Variants in CTNND2 observed in about 807,000 individuals in gnomAD.
The protein encoded by CTNND2 is catenin delta-2.
CTNND2 carries 22 observed loss-of-function variants against 144.4 expected under a neutral mutation model. The observed-to-expected ratio is 0.15, with a 90% confidence interval of 0.11 to 0.22. The LOEUF (loss-of-function observed/expected upper bound fraction) is 0.22, where lower values mean the gene tolerates loss of function less well. CTNND2 is among the 10% of genes least tolerant of loss of function. The pLI is 1.00. For missense variants in CTNND2, 1,353 were observed against 1,618.8 expected, an observed-to-expected ratio of 0.84 and a Z score of 2.82; for synonymous variants, 751 against 695.6, an observed-to-expected ratio of 1.08 and a Z score of -1.25.
Position 11,357,439 on chromosome 5 carries a change from A to G in CTNND2, c.1372+7257T>C, listed in dbSNP as rs955921392. Among the ~76,000 whole-genome samples, 17 of 152,146 alleles carry G rather than the reference A, an allele frequency of 1.1e-4. 1 individual carries two copies. The highest frequency in any genetic ancestry group is 1.1e-3 in the Admixed American group (17 of 15,268). ...AAACTAATCCAGGCACAGAAAGACA[A>G]ATACCACAGGATCTCACTCAAACAT... On this transcript the variant is annotated intron_variant, in intron 8 of 21. Transcript: ENST00000304623.
At chr5:11,567,900 G>C (rs1052339719) in intron 2 of CTNND2, among the ~76,000 whole-genome samples, 1 of 152,174 alleles carries the variant, frequency 6.6e-6, no homozygotes, top group Non-Finnish European at 1.5e-5. Context: ...GTTCTGGATA[G>C]GTTTGTATTC....
intron 1 of CTNND2, among the ~76,000 whole-genome samples, chr5:11,819,181 C>A (rs1793178298): frequency 6.6e-6 from 1 of 152,216 alleles, no homozygotes; most frequent in South Asian, 2.1e-4. Flanking sequence ...ACACTGTAAT[C>A]CCAGCACTTT....
At position 11,480,644 on chromosome 5, in the gene CTNND2, ATATGTG is replaced by A. The variant is rs975310012; in HGVS notation, c.288-68581_288-68576del. 4.9e-4 allele frequency among the ~76,000 whole-genome samples: 68 copies of A among 138,136 alleles called. No homozygotes were observed. The Middle Eastern group carries it at 0.018, about 36-fold the overall frequency. 90.6% of individuals were successfully genotyped at this position (138,136 alleles called of 152,430 possible). Reference sequence around the variant, plus strand: ...CTTGTTCTATGATTTGAAAATACATATATGTGTGTGTGTGTGTGTGTGTGTGTGTGT... The same window carrying A: ...CTTGTTCTATGATTTGAAAATACATATGTGTGTGTGTGTGTGTGTGTGTGT... On this transcript the variant is annotated intron_variant, in intron 3 of 21. Transcript: ENST00000304623.
At chr5:11,582,229 C>G (rs1172273384) in intron 2 of CTNND2, among the ~76,000 whole-genome samples, 1 of 152,124 alleles carries the variant, frequency 6.6e-6, no homozygotes, top group Non-Finnish European at 1.5e-5. Context: ...TTTAATTTTG[C>G]AGTTATGGAA....
At chr5:11,725,890 G>T (rs1378453431) in intron 2 of CTNND2, among the ~76,000 whole-genome samples, 2 of 151,908 alleles carry the variant, frequency 1.3e-5, no homozygotes, top group East Asian at 1.9e-4. Flanking sequence ...ACTATATCTG[G>T]TTCCATTTCT....
At chr5:11,070,533 A>T (rs1167040286) in intron 16 of CTNND2, among the ~76,000 whole-genome samples, 1 of 152,186 alleles carries the variant, frequency 6.6e-6, no homozygotes, top group Non-Finnish European at 1.5e-5. Flanking sequence ...GAAGGACAGG[A>T]AAGTGAGATG....
At chr5:11,622,227 T>C (rs1267412018) in intron 2 of CTNND2, among the ~76,000 whole-genome samples, 2 of 152,164 alleles carry the variant, frequency 1.3e-5, no homozygotes, top group Non-Finnish European at 2.9e-5. Context: ...AATTAGGATT[T>C]TTCTGTAGAA....
intron 12 of CTNND2, among the ~76,000 whole-genome samples, chr5:11,126,690 G>C (rs1435798160): frequency 6.6e-6 from 1 of 152,142 alleles, no homozygotes; most frequent in Non-Finnish European, 1.5e-5. Context: ...ATCTTCTTTG[G>C]AAGTGACATC....
At chr5:11,820,513 T>C (rs1018185576) in intron 1 of CTNND2, among the ~76,000 whole-genome samples, 2 of 152,188 alleles carry the variant, frequency 1.3e-5, no homozygotes, top group Admixed American at 6.5e-5. Context: ...AACTCTATGG[T>C]GAATTAGTAA....
chr5:11,807,267 A>G (rs1792054616), intron 1 of CTNND2, among the ~76,000 whole-genome samples: 3 of 152,140 alleles, frequency 2.0e-5, no homozygotes, highest in Admixed American at 6.6e-5. Flanking sequence ...ATCTCTAAAT[A>G]TTAGACTTAT....
chr5:11,879,376 A>ATGTATAT (rs1735856769), intron 1 of CTNND2, among the ~76,000 whole-genome samples: 1 of 80,512 alleles, frequency 1.2e-5, no homozygotes. Flanking sequence ...CACACACACA[A>ATGTATAT]ACATATACAT....
chr5:11,326,966 C>T (rs1357870839), intron 9 of CTNND2, among the ~76,000 whole-genome samples: 2 of 152,192 alleles, frequency 1.3e-5, no homozygotes, highest in Non-Finnish European at 1.5e-5. Context: ...AATGGTCTTA[C>T]ATCTGTCTGT....
chr5:11,656,922 G>T (rs909578662), intron 2 of CTNND2, among the ~76,000 whole-genome samples: 2 of 152,094 alleles, frequency 1.3e-5, no homozygotes, highest in African/African-American at 4.8e-5. Flanking sequence ...TGAGAACTTG[G>T]CCCTCTGCGT....
chr5:11,821,892 T>C (rs1227627679), intron 1 of CTNND2, among the ~76,000 whole-genome samples: 2 of 152,182 alleles, frequency 1.3e-5, no homozygotes, highest in African/African-American at 4.8e-5. Context: ...CATTTCCTAA[T>C]AAACCACCAG....
intron 1 of CTNND2, among the ~76,000 whole-genome samples, chr5:11,793,689 C>T (rs992622113): frequency 6.6e-6 from 1 of 152,126 alleles, no homozygotes; most frequent in Non-Finnish European, 1.5e-5. Context: ...GCACAGCTGA[C>T]ACCTTGATTT....
chr5:11,877,671 C>CA (rs138435824), intron 1 of CTNND2, among the ~76,000 whole-genome samples: 3,829 of 151,554 alleles, frequency 0.025, 81 homozygotes, highest in African/African-American at 0.052. Flanking sequence ...TCAAGGTTTG[C>CA]AAAAAAAATT....
chr5:11,771,187 G>A (rs574600886), intron 1 of CTNND2, among the ~76,000 whole-genome samples: 508 of 38,150 alleles, frequency 0.013, 6 homozygotes, highest in African/African-American at 0.035. Flanking sequence ...AACCCACATT[G>A]TTAGCTTTTT....
At chr5:11,445,570 G>A (rs985529467) in intron 3 of CTNND2, among the ~76,000 whole-genome samples, 5 of 152,120 alleles carry the variant, frequency 3.3e-5, no homozygotes, top group African/African-American at 4.8e-5. Flanking sequence ...CCAGCTCTGC[G>A]TGCTTCTCCT....
intron 1 of CTNND2, among the ~76,000 whole-genome samples, chr5:11,745,145 A>C (rs766987536): frequency 3.4e-5 from 5 of 148,164 alleles, no homozygotes; most frequent in Non-Finnish European, 5.9e-5. Flanking sequence ...ATTGTTTTTT[A>C]AACCAAATAA....
Sources: gnomAD v4.1 joint callset for allele counts (sites outside exome capture counted in the v4.1 genomes callset) on GRCh38, gnomAD v4.1.1 for gene constraint, MANE v1.5 for transcripts, NCBI Gene and HGNC (gene_info 2026-07-23, HGNC 2026-07-21) for gene names.